Variants in TMEM163 observed in about 807,000 individuals in gnomAD.
The protein encoded by TMEM163 is transmembrane protein 163.
Under a neutral mutation model 29.3 loss-of-function variants are expected in TMEM163, and 17 were observed. That is an observed-to-expected ratio of 0.58 (90% CI 0.40 to 0.87). The LOEUF is 0.87. TMEM163 is among the 40% of genes least tolerant of loss of function. TMEM163 has a pLI of 0.00. For missense variants in TMEM163, 303 were observed against 381.5 expected (o/e 0.79, Z 1.71); for synonymous variants, 157 against 160.6 (o/e 0.98, Z 0.17).
intron 2 of TMEM163, among the ~76,000 whole-genome samples, chr2:134,601,519 C>A (rs561317315): frequency 1.3e-5 from 2 of 152,350 alleles, no homozygotes; most frequent in East Asian, 3.9e-4. Flanking sequence ...TTCCAGGAGA[C>A]AGATGCAATG....
intron 2 of TMEM163, among the ~76,000 whole-genome samples, chr2:134,624,897 G>A (rs1204969939): frequency 6.6e-6 from 1 of 152,046 alleles, no homozygotes; most frequent in Non-Finnish European, 1.5e-5. Context: ...GTGACAGAGT[G>A]AGACTCTGTC....
At chr2:134,662,539 A>G (rs536217487) in intron 2 of TMEM163, among the ~76,000 whole-genome samples, 1 of 150,702 alleles carries the variant, frequency 6.6e-6, no homozygotes, top group East Asian at 1.9e-4. Context: ...GTATACAGGA[A>G]AAAAAAAGAC....
chr2:134,546,534 C>G (rs1680789484), intron 4 of TMEM163, among the ~76,000 whole-genome samples: 1 of 152,018 alleles, frequency 6.6e-6, no homozygotes, highest in African/African-American at 2.4e-5. Flanking sequence ...GTCCCAGCTA[C>G]TCAGGAGGCT....
At chr2:134,639,931 TACTC>T (rs1683189814) in intron 2 of TMEM163, among the ~76,000 whole-genome samples, 1 of 152,202 alleles carries the variant, frequency 6.6e-6, no homozygotes, top group Admixed American at 6.5e-5. Flanking sequence ...ATTATCTTCT[TACTC>T]ACTTCTTTCC....
intron 2 of TMEM163, among the ~76,000 whole-genome samples, chr2:134,610,556 A>G (rs1326981542): frequency 6.6e-6 from 1 of 152,190 alleles, no homozygotes; most frequent in African/African-American, 2.4e-5. Context: ...CCCTGCTTTC[A>G]TTCATCTGCC....
At chr2:134,702,685 T>G (rs1158166931) in intron 2 of TMEM163, among the ~76,000 whole-genome samples, 1 of 148,984 alleles carries the variant, frequency 6.7e-6, no homozygotes, top group Non-Finnish European at 1.5e-5. Flanking sequence ...TAAAAAAAAT[T>G]TTCAAAAAAG....
Position 134,684,253 on chromosome 2 carries a change from G to A in TMEM163, c.322+28947C>T, listed in dbSNP as rs572973419. Reference sequence around the variant, plus strand: ...GTTGAAGTGAGCACCTTCTATCTGCGAGTAAATGAAAAGATGTATCAAGCA... The same window carrying A: ...GTTGAAGTGAGCACCTTCTATCTGCAAGTAAATGAAAAGATGTATCAAGCA... On this transcript the variant is annotated intron_variant, in intron 2 of 7. Coordinates refer to ENST00000281924, the MANE Select transcript of TMEM163 (RefSeq NM_030923.5). Among the ~76,000 whole-genome samples, 127 of 152,150 alleles carry A rather than the reference G, an allele frequency of 8.3e-4. 4 individuals carry two copies. The South Asian group carries it at 0.025, about 30-fold the overall frequency.
intron 7 of TMEM163, 71 bp from the exon 8 acceptor site, chr2:134,456,847 A>AT (rs56024138): frequency 0.026 from 34,339 of 1,300,866 alleles, 124 homozygotes; most frequent in East Asian, 0.088. Flanking sequence ...GCGTATTTTC[A>AT]TTTTTTTTTT....
rs184939285 is a variant in TMEM163 at position 134,710,923 on chromosome 2, G to A, written c.322+2277C>T. Among the ~76,000 whole-genome samples the A allele has an allele frequency of 7.2e-5, 11 of 152,200 alleles. No individual in the cohort carries two copies. The South Asian group carries it at 1.0e-3, about 14-fold the overall frequency. On this transcript the variant is annotated intron_variant, in intron 2 of 7. Coordinates refer to ENST00000281924, the MANE Select transcript of TMEM163 (RefSeq NM_030923.5). ...TTAAAAATACGAATTGATGCAACTC[G>A]GCCATTTCACTGGTTTGGACAGAGA...
At chr2:134,687,285 T>A (rs772860374) in intron 2 of TMEM163, among the ~76,000 whole-genome samples, 1 of 151,968 alleles carries the variant, frequency 6.6e-6, no homozygotes, top group Non-Finnish European at 1.5e-5. Context: ...AAAGCACAGA[T>A]AAAATGTTGG....
chr2:134,489,576 A>C (rs565265163), intron 5 of TMEM163, among the ~76,000 whole-genome samples: 2 of 109,498 alleles, frequency 1.8e-5, no homozygotes, highest in Middle Eastern at 5.4e-3. Context: ...ACTCTCTCTC[A>C]AAAAAAAAAA....
intron 6 of TMEM163, among the ~76,000 whole-genome samples, chr2:134,461,834 A>G (rs1686545323): frequency 6.6e-6 from 1 of 152,252 alleles, no homozygotes; most frequent in East Asian, 1.9e-4. Flanking sequence ...CTCTCCCACA[A>G]AGGGGATGCT....
At chr2:134,658,018 G>A (rs1451770797) in intron 2 of TMEM163, among the ~76,000 whole-genome samples, 3 of 147,910 alleles carry the variant, frequency 2.0e-5, no homozygotes, top group Non-Finnish European at 4.5e-5. Flanking sequence ...TGAAAAAAAA[G>A]ACAAATAAAT....
At chr2:134,699,277 G>A (rs1363328026) in intron 2 of TMEM163, among the ~76,000 whole-genome samples, 1 of 152,198 alleles carries the variant, frequency 6.6e-6, no homozygotes, top group Non-Finnish European at 1.5e-5. Flanking sequence ...GCCAAGGCGG[G>A]CAGATCACTT....
In TMEM163 at chr2:134,695,084, A is replaced by T. The variant is rs574317448; in HGVS notation, c.322+18116T>A. ...CTAAATGATGGAAAGGAGGAAAAAA[A>T]AATTTTTTTTGAGACGGAGTCTCGC... On this transcript the variant is annotated intron_variant, in intron 2 of 7. Coordinates refer to ENST00000281924, the MANE Select transcript of TMEM163 (RefSeq NM_030923.5). Among the ~76,000 whole-genome samples the T allele has an allele frequency of 2.6e-5, 4 of 152,238 alleles. No homozygotes were observed. The East Asian group carries it at 7.7e-4, about 29-fold the overall frequency.
chr2:134,524,453 G>A (rs1051450794), intron 4 of TMEM163, among the ~76,000 whole-genome samples: 2 of 150,200 alleles, frequency 1.3e-5, no homozygotes, highest in Admixed American at 6.6e-5. Context: ...ATGGTGGTTT[G>A]CTGCACCCAT....
intron 2 of TMEM163, among the ~76,000 whole-genome samples, chr2:134,556,209 G>A (rs912350317): frequency 2.6e-5 from 4 of 152,128 alleles, no homozygotes; most frequent in African/African-American, 9.7e-5. Flanking sequence ...AGTCCTGCCT[G>A]ATCTATCCCT....
chr2:134,489,098 C>A lies in TMEM163; in HGVS notation c.555+13803G>T, dbSNP rs561296969. 2.6e-5 allele frequency among the ~76,000 whole-genome samples: 4 copies of A among 152,306 alleles called. No individual in the cohort carries two copies. In the East Asian group the frequency reaches 7.7e-4, roughly 29 times the overall value. On this transcript the variant is annotated intron_variant, in intron 5 of 7. Transcript: ENST00000281924. ...CATGTTTACCCTAGAGAAACACCAT[C>A]CTCACACGGTACATACTACCATGAG...
Position 134,718,746 on chromosome 2 carries a change from G to C in TMEM163, c.190C>G (p.Leu64Val). 8.7e-7 allele frequency: 1 copy of C among 1,155,688 alleles called. No homozygotes were observed. Among genetic ancestry groups the C allele is most frequent in the Non-Finnish European group, 1.1e-6 (1 of 939,558 alleles). The allele number at this position is 1,155,688 out of a possible 1,614,324, so 71.6% of individuals were successfully genotyped here. A position where few individuals can be genotyped will look rare whatever the true frequency, so the allele number is the denominator to read the frequency against. The stretch of plus-strand genomic sequence containing the variant: ...AGCTCGCGCTCACCTCGGTCCTCCA[G>C]CCCGTCGCTGAACTGGCCGCTCTCG... ...ISESGQFSDG[L>V]EDRGLLESST... Residue 64 changes from leucine (L) to valine (V), a missense_variant, in exon 1 of 8, where the codon CTG becomes GTG. Leu to Val is a conservative substitution (Grantham distance 32). This residue lies in a region of TMEM163 where 100 missense variants were observed against 87.2 expected (regional missense o/e 1.15). Transcript: ENST00000281924.
Sources: gnomAD v4.1 joint callset for allele counts (sites outside exome capture counted in the v4.1 genomes callset) on GRCh38, gnomAD v4.1.1 for gene constraint, gnomAD v4.1.1 regional missense constraint, MANE v1.5 for transcripts, NCBI Gene and HGNC (gene_info 2026-07-23, HGNC 2026-07-21) for gene names.